YTHDC2: variants seen among roughly 807,000 people sequenced by gnomAD.
YTHDC2 encodes YTH N6-methyladenosine RNA binding protein C2, also known as 3'-5' RNA helicase YTHDC2.
A neutral mutation model predicts 174.9 loss-of-function variants in YTHDC2; 45 were observed. The ratio of observed to expected loss-of-function variants is 0.26; its 90% CI spans 0.20 to 0.33. The LOEUF (loss-of-function observed/expected upper bound fraction) is 0.33. YTHDC2 is among the 10% of genes least tolerant of loss of function. The probability of loss-of-function intolerance (pLI) is 1.00; values close to 1 mark genes in which losing one functional copy is unlikely to be tolerated. For synonymous variants in YTHDC2, 657 were observed against 574.5 expected, an observed-to-expected ratio of 1.14 and a Z score of -2.05; for missense variants, 1,650 against 1,723.7, an observed-to-expected ratio of 0.96 and a Z score of 0.76.
At chr5:113,591,743 T>C (rs1246673777) in intron 27 of YTHDC2, among the ~76,000 whole-genome samples, 1 of 152,140 alleles carries the variant, frequency 6.6e-6, no homozygotes, top group Non-Finnish European at 1.5e-5. Context: ...AATATGGACT[T>C]TGCTATTTTA....
At chr5:113,565,601 A>G (rs1389086397) in intron 20 of YTHDC2, 4 of 213,758 alleles carry the variant, frequency 1.9e-5, no homozygotes, top group Non-Finnish European at 3.7e-5. Context: ...ACTTTTGTAG[A>G]GAGTAAAATT....
intron 2 of YTHDC2, among the ~76,000 whole-genome samples, chr5:113,523,667 G>T (rs1374143892): frequency 2.0e-5 from 3 of 151,964 alleles, no homozygotes; most frequent in African/African-American, 7.2e-5. Context: ...AAAATTCATT[G>T]AAATATTCAA....
intron 26 of YTHDC2, among the ~76,000 whole-genome samples, chr5:113,586,911 T>C (rs1778713873): frequency 7.9e-6 from 1 of 126,662 alleles, no homozygotes; most frequent in Admixed American, 9.4e-5. Context: ...TATTATGTAT[T>C]CATATATAAT....
At chr5:113,527,114 C>T (rs1182608532) in intron 4 of YTHDC2, among the ~76,000 whole-genome samples, 2 of 152,012 alleles carry the variant, frequency 1.3e-5, no homozygotes, top group Non-Finnish European at 2.9e-5. Context: ...ATTCCAGTTC[C>T]CTCAGTTATT....
chr5:113,519,597 A>G (rs1223560461), intron 2 of YTHDC2, among the ~76,000 whole-genome samples: 2 of 152,202 alleles, frequency 1.3e-5, no homozygotes, highest in East Asian at 1.9e-4. Flanking sequence ...CAGGTACCAA[A>G]TAGAGTACCA....
Position 113,515,358 on chromosome 5 carries a change from A to G in YTHDC2, c.274A>G (p.Lys92Glu). The G allele has an allele frequency of 6.2e-7, 1 of 1,611,224 alleles. No individual in the cohort carries two copies. The highest frequency in any genetic ancestry group is 1.1e-5 in the South Asian group (1 of 90,288). ...GTCTCTTGGTTTGGTCTCTAAAAGTAAAGGGTAAGCTGGTAGCTTTTCTTA... is the reference window on the plus strand; with the variant it reads ...GTCTCTTGGTTTGGTCTCTAAAAGTGAAGGGTAAGCTGGTAGCTTTTCTTA... ...SQSLGLVSKSKGKGANRYLTV... is the reference protein window; with the variant it reads ...SQSLGLVSKSEGKGANRYLTV... Residue 92 changes from lysine to glutamate, a missense_variant, in exon 2 of 30, where the codon AAA becomes GAA. By Grantham distance (56) the Lys-to-Glu change is moderately conservative. Transcript: ENST00000161863.
At position 113,584,384 on chromosome 5, in the gene YTHDC2, A is replaced by G. The variant is rs200177219; in HGVS notation, c.3730A>G (p.Thr1244Ala). 2.0e-5 allele frequency: 33 copies of G among 1,613,964 alleles called. No individual in the cohort carries two copies. Among genetic ancestry groups the G allele is most frequent in the African/African-American group, 1.7e-4 (13 of 75,044 alleles). Residue 1244 changes from threonine (T) to alanine (A), a missense_variant, in exon 26 of 30, where the codon ACT becomes GCT. By Grantham distance (58) the Thr-to-Ala change is moderately conservative. Coordinates refer to ENST00000161863, the MANE Select transcript of YTHDC2 (RefSeq NM_022828.5). ...AGGAATTTTACATCCTAAACGAGGTACTGAGGACCGATCAGATCAGTCTTC... is the reference window on the plus strand; with the variant it reads ...AGGAATTTTACATCCTAAACGAGGTGCTGAGGACCGATCAGATCAGTCTTC... ...DRGILHPKRG[T>A]EDRSDQSSLK...
At chr5:113,589,731 C>A (rs1262099215) in intron 26 of YTHDC2, among the ~76,000 whole-genome samples, 4 of 151,882 alleles carry the variant, frequency 2.6e-5, no homozygotes, top group Admixed American at 2.6e-4. Context: ...GACCCTGTCC[C>A]CCTAAAAAAA....
chr5:113,560,808 A>T (rs904918094), intron 17 of YTHDC2, among the ~76,000 whole-genome samples: 2 of 152,124 alleles, frequency 1.3e-5, no homozygotes, highest in Non-Finnish European at 2.9e-5. Context: ...GCTCACTTTT[A>T]TATGTATGCT....
intron 26 of YTHDC2, among the ~76,000 whole-genome samples, chr5:113,590,303 T>G (rs1411273557): frequency 6.6e-6 from 1 of 152,240 alleles, no homozygotes; most frequent in Non-Finnish European, 1.5e-5. Flanking sequence ...CAGTCTTTAT[T>G]CTGTTATTAA....
chr5:113,556,205 T>A, intron 17 of YTHDC2, 71 bp downstream of exon 17: 1 of 729,256 alleles, frequency 1.4e-6, no homozygotes, highest in Non-Finnish European at 2.3e-6. Flanking sequence ...CATTACACAT[T>A]TATCATATAT....
At chr5:113,565,774 A>C in intron 20 of YTHDC2, 119 bp from the exon 21 acceptor site, 1 of 1,015,546 alleles carries the variant, frequency 9.8e-7, no homozygotes, top group Non-Finnish European at 1.4e-6. Context: ...ATTTTATAGA[A>C]AATTAGAATA....
chr5:113,526,081 C>T (rs900443360), intron 3 of YTHDC2, among the ~76,000 whole-genome samples: 1 of 152,032 alleles, frequency 6.6e-6, no homozygotes, highest in Non-Finnish European at 1.5e-5. Flanking sequence ...CTTAATCTTA[C>T]ATGTATAGCA....
At chr5:113,535,510 T>G (rs887263239) in intron 6 of YTHDC2, 132 bp from the exon 7 acceptor site, 2 of 800,890 alleles carry the variant, frequency 2.5e-6, no homozygotes, top group Non-Finnish European at 3.6e-6. Flanking sequence ...ATACAAAATT[T>G]TCATGAATAT....
intron 3 of YTHDC2, 97 bp from the exon 4 acceptor site, chr5:113,526,489 C>A: frequency 1.1e-6 from 1 of 870,214 alleles, no homozygotes; most frequent in Non-Finnish European, 1.7e-6. Context: ...TGTCTTTTGG[C>A]ATGTTTTTCT....
At chr5:113,523,145 G>A (rs1216096342) in intron 2 of YTHDC2, among the ~76,000 whole-genome samples, 1 of 152,024 alleles carries the variant, frequency 6.6e-6, no homozygotes, top group African/African-American at 2.4e-5. Flanking sequence ...GTTAATAGAT[G>A]ATAAATGATT....
At chr5:113,551,586 TCA>T in intron 12 of YTHDC2, among the ~76,000 whole-genome samples, 1 of 152,038 alleles carries the variant, frequency 6.6e-6, no homozygotes, top group Non-Finnish European at 1.5e-5. Flanking sequence ...GAGGGGAACA[TCA>T]CACACCAGGG....
chr5:113,547,714 T>C (rs1186985282), intron 10 of YTHDC2, among the ~76,000 whole-genome samples: 1 of 152,152 alleles, frequency 6.6e-6, no homozygotes, highest in African/African-American at 2.4e-5. Context: ...TGCCTCACTT[T>C]AAAAGAACAC....
chr5:113,516,917 G>T (rs1773468598), intron 2 of YTHDC2, among the ~76,000 whole-genome samples: 6 of 152,206 alleles, frequency 3.9e-5, no homozygotes, highest in Admixed American at 3.9e-4. Context: ...ACTAAGGCCA[G>T]TGCTGGAACA....
Sources: allele counts gnomAD v4.1 joint callset (sites outside exome capture counted in the v4.1 genomes callset), GRCh38; gene constraint gnomAD v4.1.1; transcripts MANE v1.5; gene names NCBI Gene and HGNC (gene_info 2026-07-23, HGNC 2026-07-21).